The following RAD51AP2 variants were observed in gnomAD, a reference collection of about 807,000 sequenced individuals.
The protein encoded by RAD51AP2 is RAD51 associated protein 2, also known as RAD51-associated protein 2.
Under a neutral mutation model 85.5 loss-of-function variants are expected in RAD51AP2, and 67 were observed. The ratio of observed to expected loss-of-function variants is 0.78; its 90% CI spans 0.64 to 0.96. RAD51AP2 has a LOEUF of 0.96. Ranked by LOEUF, RAD51AP2 falls within the 40% of genes least tolerant of loss-of-function variation. RAD51AP2 has a pLI of 0.00. For missense variants in RAD51AP2, 1,307 were observed against 1,332.4 expected (o/e 0.98, Z 0.30); for synonymous variants, 474 against 446.5 (o/e 1.06, Z -0.78).
chr2:17,510,937 C>T lies in RAD51AP2; in HGVS notation c.3347G>A (p.Gly1116Asp). 1.3e-6 allele frequency: 2 copies of T among 1,591,378 alleles called. No individual in the cohort carries two copies. Residue 1116 changes from glycine (G) to aspartate (D), a missense_variant, in exon 3 of 3, where the codon GGC (glycine) becomes GAC (aspartate). Gly to Asp is a moderately conservative substitution (Grantham distance 94). This residue lies in a region of RAD51AP2 where 668 missense variants were observed against 671.0 expected (regional missense o/e 1.00). Transcript: ENST00000399080. ...CTTAAGCGGTCGTACTCTTGAAATG[C>T]CATGTGGAAAGTGACTACCTAAAAA... is the stretch of plus-strand genomic sequence containing the variant. ...LLRGGSHFPH[G>D]ISRVRPLKTC... is the part of the protein sequence containing the mutation.
At position 17,517,934 on chromosome 2, in the gene RAD51AP2, C is replaced by T; in HGVS notation, c.482G>A (p.Ser161Asn). The change falls in exon 1 of 3, where the codon AGC becomes AAC. Residue 161 changes from serine to asparagine, a missense_variant. This residue lies in a region of RAD51AP2 where 635 missense variants were observed against 643.6 expected (regional missense o/e 0.99). Transcript: ENST00000399080. The stretch of plus-strand genomic sequence containing the variant: ...TCCATGTATATCGTGTATAGAGGTG[C>T]TGGGCAGAAGTTGACTAACCCCTGC... ...SKAGVSQLLP[S>N]TSIHDIHGIR... The T allele has an allele frequency of 6.2e-7, 1 of 1,614,130 alleles. No homozygotes were observed. Among genetic ancestry groups the T allele is most frequent in the Non-Finnish European group, 8.5e-7 (1 of 1,180,028 alleles).
At chr2:17,518,463 C>G, upstream of RAD51AP2, 3 of 1,568,950 alleles carry the variant, frequency 1.9e-6, no homozygotes, top group Non-Finnish European at 2.6e-6. Context: ...GGCTCCAATC[C>G]CTTAATAGGC....
the RAD51AP2 span, among the ~76,000 whole-genome samples, chr2:17,534,327 A>G: frequency 1.4e-4 from 22 of 152,298 alleles, 2 homozygotes; most frequent in South Asian, 4.4e-3. Context: ...TGTAATGGTA[A>G]TTCATCTTCT....
At chr2:17,511,155 A>G (rs1662482031) in intron 2 of RAD51AP2, among the ~76,000 whole-genome samples, 200 bp from the exon 3 acceptor site, 1 of 152,194 alleles carries the variant, frequency 6.6e-6, no homozygotes, top group Non-Finnish European at 1.5e-5. Context: ...TAAGCACAAA[A>G]AGTTAAGTAA....
Position 17,516,819 on chromosome 2 carries a change from A to C in RAD51AP2, c.1597T>G (p.Cys533Gly). ...TGCTTTTTACACTTCAAAATGTTAC[A>C]GCAGGTTAAAATACTATTATCTTTT... ...NKKDNSILTC[C>G]NILKCKKQIG... Residue 533 changes from cysteine (C) to glycine (G), a missense_variant, in exon 1 of 3, where the codon TGT becomes GGT. Transcript: ENST00000399080. 6.5e-7 allele frequency: 1 copy of C among 1,547,932 alleles called. No individual in the cohort carries two copies.
chr2:17,517,416 G>GTGA lies in RAD51AP2; in HGVS notation c.997_999dup (p.Ser333dup). ...CTCTTACAAGTATTTTGGCTACTGAGTGATGGGTAGTCATTTTCATAACAT... is the reference window on the plus strand; with the variant it reads ...CTCTTACAAGTATTTTGGCTACTGAGTGATGATGGGTAGTCATTTTCATAACAT... On this transcript the variant is annotated inframe_insertion, in exon 1 of 3. Coordinates refer to ENST00000399080, the MANE Select transcript of RAD51AP2 (RefSeq NM_001099218.3). The GTGA allele has an allele frequency of 6.2e-7, 1 of 1,613,608 alleles. No homozygotes were observed. The highest frequency in any genetic ancestry group is 8.5e-7 in the Non-Finnish European group (1 of 1,179,850).
At chr2:17,511,897 A>G (rs1662503926) in intron 2 of RAD51AP2, among the ~76,000 whole-genome samples, 1 of 152,196 alleles carries the variant, frequency 6.6e-6, no homozygotes, top group South Asian at 2.1e-4. Context: ...TAAAATTAGA[A>G]AATTAATTAT....
In RAD51AP2 at chr2:17,515,728, T is replaced by G; in HGVS notation, c.2688A>C (p.Val896=). ...EENKYVNQNY[V]TNTNEYESIL... is the part of the protein sequence containing the mutation. The stretch of plus-strand genomic sequence containing the variant: ...TACTCTCATATTCATTTGTATTTGT[T>G]ACATAATTTTGATTAACATATTTAT... The change falls in exon 1 of 3, where the codon GTA becomes GTC. Residue 896 remains valine, a synonymous_variant. Transcript: ENST00000399080. The G allele has an allele frequency of 3.8e-6, 6 of 1,597,678 alleles. No individual in the cohort carries two copies. Among genetic ancestry groups the G allele is most frequent in the Non-Finnish European group, 5.1e-6 (6 of 1,172,388 alleles).
chr2:17,517,384 G>A lies in RAD51AP2; in HGVS notation c.1032C>T (p.Asp344=), dbSNP rs371344323. 3 of 1,613,712 alleles carry A rather than the reference G, an allele frequency of 1.9e-6. No individual in the cohort carries two copies. The highest frequency in any genetic ancestry group is 2.5e-6 in the Non-Finnish European group (3 of 1,179,810). Residue 344 remains aspartate (D), a synonymous_variant, in exon 1 of 3, where the codon GAC becomes GAT. Coordinates refer to ENST00000399080, the MANE Select transcript of RAD51AP2 (RefSeq NM_001099218.3). The part of the protein sequence containing the change: ...LSSQNTCKRK[D]LISSNYCNCS... ...AGTTACAGTAGTTTGAACTGATCAA[G>A]TCTTTTCTCTTACAAGTATTTTGGC...
chr2:17,518,517 A>G, upstream of RAD51AP2: 1 of 1,435,456 alleles, frequency 7.0e-7, no homozygotes, highest in Non-Finnish European at 9.4e-7. Flanking sequence ...GCCCCTCAAG[A>G]CCTGGCCTTA....
In RAD51AP2 at chr2:17,510,856, AGTT is replaced by A; in HGVS notation, c.3425_3427del (p.Gln1142del). On this transcript the variant is annotated inframe_deletion, in exon 3 of 3. Coordinates refer to ENST00000399080, the MANE Select transcript of RAD51AP2 (RefSeq NM_001099218.3). ...ACACATTTGTTTCAGATAAGGATGA[AGTT>A]GTTTAATCCTTGCTTTTCTTGACAA... The A allele has an allele frequency of 6.2e-7, 1 of 1,607,014 alleles. No individual in the cohort carries two copies. The highest frequency in any genetic ancestry group is 8.5e-7 in the Non-Finnish European group (1 of 1,175,922).
upstream of RAD51AP2, among the ~76,000 whole-genome samples, chr2:17,519,160 T>C (rs1356474422): frequency 1.3e-5 from 2 of 152,080 alleles, no homozygotes; most frequent in Admixed American, 1.3e-4. Flanking sequence ...TGGATAAAAT[T>C]ATTTAGAGAT....
intron 2 of RAD51AP2, among the ~76,000 whole-genome samples, chr2:17,513,595 G>A (rs1443616213): frequency 6.6e-6 from 1 of 152,058 alleles, no homozygotes; most frequent in African/African-American, 2.4e-5. Context: ...ATGTTGACAT[G>A]ACTAAATGGC....
Position 17,518,256 on chromosome 2 carries a change from C to T in RAD51AP2, c.160G>A (p.Val54Met), listed in dbSNP as rs1662756237. The T allele has an allele frequency of 6.2e-7, 1 of 1,614,060 alleles. No individual in the cohort carries two copies. Among genetic ancestry groups the T allele is most frequent in the African/African-American group, 1.3e-5 (1 of 74,920 alleles). ...VFKAGWRLPL[V>M]PRLSEAEKVW... ...TTTTCCGCCTCAGACAAGCGAGGCA[C>T]CAGAGGCAGTCGCCAGCCCGCCTTA... The change falls in exon 1 of 3, where the codon GTG becomes ATG. Residue 54 changes from valine to methionine, a missense_variant. Physicochemically the swap from Val to Met is conservative, Grantham distance 21. This residue lies in a region of RAD51AP2 where 635 missense variants were observed against 643.6 expected (regional missense o/e 0.99). Coordinates refer to ENST00000399080, the MANE Select transcript of RAD51AP2 (RefSeq NM_001099218.3).
rs904062406 is a variant in RAD51AP2, at chr2:17,513,934, T to A, written c.3328+78A>T. On this transcript the variant is annotated intron_variant, in intron 2 of 2. Transcript: ENST00000399080. ...ATTTATTTTGAACAACATGAATATC[T>A]ATACTTTCCTCATACTAAAAATACC... 6.5e-6 allele frequency: 5 copies of A among 774,788 alleles called. No individual in the cohort carries two copies. The Admixed American group carries it at 1.1e-4, about 18-fold the overall frequency. 48.0% of individuals were successfully genotyped at this position (774,788 alleles called of 1,614,324 possible). A position where few individuals can be genotyped will look rare whatever the true frequency, so the allele number is the denominator to read the frequency against.
At chr2:17,519,567 C>T (rs1482738405), upstream of RAD51AP2, among the ~76,000 whole-genome samples, 1 of 152,140 alleles carries the variant, frequency 6.6e-6, no homozygotes, top group Non-Finnish European at 1.5e-5. Flanking sequence ...TATAACTAGC[C>T]TTCTACTTTA....
At chr2:17,514,214 AAGT>A in intron 1 of RAD51AP2, 122 bp from the exon 2 acceptor site, 1 of 739,654 alleles carries the variant, frequency 1.4e-6, no homozygotes, top group South Asian at 1.7e-5. Flanking sequence ...TAGAAAAATG[AAGT>A]AGGACTCTTC....
At position 17,516,781 on chromosome 2, in the gene RAD51AP2, A is replaced by C. The variant is rs1308585130; in HGVS notation, c.1635T>G (p.Ile545Met). 1.3e-6 allele frequency: 2 copies of C among 1,554,748 alleles called. No homozygotes were observed. Among genetic ancestry groups the C allele is most frequent in the East Asian group, 2.3e-5 (1 of 44,122 alleles). ...ILKCKKQIGI[I>M]GIQNLITRNM... Reference sequence around the variant, plus strand: ...TTCTGGTTATTAGATTTTGAATACCAATTATACCAATTTGCTTTTTACACT... The same window carrying C: ...TTCTGGTTATTAGATTTTGAATACCCATTATACCAATTTGCTTTTTACACT... The change falls in exon 1 of 3, where the codon ATT becomes ATG. Residue 545 changes from isoleucine to methionine, a missense_variant. Physicochemically the swap from Ile to Met is conservative, Grantham distance 10. Around this residue, in one of 3 missense-constraint regions of RAD51AP2, gnomAD observed 635 missense variants for 643.6 expected, o/e 0.99. Transcript: ENST00000399080.
rs1662641796 is a variant in RAD51AP2 at position 17,515,814 on chromosome 2, C to A, written c.2602G>T (p.Asp868Tyr). ...ACTGACTGTACAGAAAACATGTCAT[C>A]CATTGGAAAAAAACTATCTTTCTCT... ...KEEKDSFFPM[D>Y]DMFSVQSVSL... The change falls in exon 1 of 3, where the codon GAT (aspartate) becomes TAT (tyrosine). Residue 868 changes from aspartate (D) to tyrosine (Y), a missense_variant. Coordinates refer to ENST00000399080, the MANE Select transcript of RAD51AP2 (RefSeq NM_001099218.3). 3 of 1,605,392 alleles carry A rather than the reference C, an allele frequency of 1.9e-6. No individual in the cohort carries two copies. The highest frequency in any genetic ancestry group is 1.7e-5 in the Admixed American group (1 of 59,176).
Sources: gnomAD v4.1 joint callset for allele counts (sites outside exome capture counted in the v4.1 genomes callset) on GRCh38, gnomAD v4.1.1 for gene constraint, gnomAD v4.1.1 regional missense constraint, MANE v1.5 for transcripts, NCBI Gene and HGNC (gene_info 2026-07-23, HGNC 2026-07-21) for gene names.